Variants in EGLN1 observed in about 807,000 individuals in gnomAD.
EGLN1 encodes egl-9 family hypoxia inducible factor 1.
EGLN1 carries 17 observed loss-of-function variants against 38.3 expected under a neutral mutation model. That is an observed-to-expected ratio of 0.44 (90% CI 0.30 to 0.67). The LOEUF (loss-of-function observed/expected upper bound fraction) is 0.67, where lower values mean the gene tolerates loss of function less well. EGLN1 is among the 30% of genes least tolerant of loss of function. EGLN1 has a pLI of 0.08. For synonymous variants in EGLN1, 283 were observed against 257.5 expected (o/e 1.10, Z -0.95); for missense variants, 477 against 603.3 (o/e 0.79, Z 2.19).
At chr1:231,388,117 G>A (rs972904351) in intron 1 of EGLN1, among the ~76,000 whole-genome samples, 4 of 152,146 alleles carry the variant, frequency 2.6e-5, no homozygotes, top group Non-Finnish European at 5.9e-5. Flanking sequence ...GAGGGTGTTA[G>A]AACCCAGTGA....
intron 1 of EGLN1, among the ~76,000 whole-genome samples, chr1:231,374,999 T>A (rs1003108690): frequency 3.8e-4 from 55 of 145,754 alleles, no homozygotes; most frequent in South Asian, 1.6e-3. Flanking sequence ...TGGTATTTTT[T>A]AAAAAATTCT....
rs1687579886 is a variant in EGLN1, at chr1:231,364,288, A to G, written c.*2123T>C. 6.7e-6 allele frequency: 1 copy of G among 148,762 alleles called. No homozygotes were observed. The highest frequency in any genetic ancestry group is 6.6e-5 in the Admixed American group (1 of 15,118). 9.2% of individuals were successfully genotyped at this position (148,762 alleles called of 1,614,324 possible). The stretch of plus-strand genomic sequence containing the variant: ...GCTGTGGCTGTACATTTTGACAATC[A>G]AACAAACCTCCCATCAACATAAAAC... On this transcript the variant is annotated 3_prime_UTR_variant, in exon 5 of 5. Coordinates refer to ENST00000366641, the MANE Select transcript of EGLN1 (RefSeq NM_022051.3).
chr1:231,368,727 T>C (rs531981664), intron 3 of EGLN1, among the ~76,000 whole-genome samples: 1 of 152,158 alleles, frequency 6.6e-6, no homozygotes, highest in Non-Finnish European at 1.5e-5. Context: ...CAGCCAGTAA[T>C]ATGACAGAAT....
intron 1 of EGLN1, among the ~76,000 whole-genome samples, chr1:231,418,054 G>A (rs1456829124): frequency 2.0e-5 from 3 of 151,958 alleles, no homozygotes; most frequent in African/African-American, 7.3e-5. Flanking sequence ...GTTGAAATGA[G>A]AAAAATACTA....
chr1:231,392,744 C>T (rs1688424326), intron 1 of EGLN1, among the ~76,000 whole-genome samples: 1 of 152,226 alleles, frequency 6.6e-6, no homozygotes, highest in South Asian at 2.1e-4. Flanking sequence ...TTATTTTCAT[C>T]ATTACTGACA....
chr1:231,414,675 G>A (rs1232374170), intron 1 of EGLN1, among the ~76,000 whole-genome samples: 3 of 151,142 alleles, frequency 2.0e-5, no homozygotes, highest in Admixed American at 1.3e-4. Flanking sequence ...GAATGTTCAA[G>A]CATATTCTCA....
At chr1:231,400,149 A>C (rs1688628213) in intron 1 of EGLN1, among the ~76,000 whole-genome samples, 1 of 152,064 alleles carries the variant, frequency 6.6e-6, no homozygotes. Context: ...AGACTTAATA[A>C]ATGTCCTTTG....
At chr1:231,401,150 G>A (rs866465352) in intron 1 of EGLN1, among the ~76,000 whole-genome samples, 1 of 152,238 alleles carries the variant, frequency 6.6e-6, no homozygotes, top group African/African-American at 2.4e-5. Flanking sequence ...AAGATGCATA[G>A]AAACTTAACT....
chr1:231,383,545 A>C (rs1174569234), intron 1 of EGLN1, among the ~76,000 whole-genome samples: 1 of 152,250 alleles, frequency 6.6e-6, no homozygotes, highest in Non-Finnish European at 1.5e-5. Flanking sequence ...AGTTTTCCAG[A>C]GTAGAAGATT....
Position 231,370,288 on chromosome 1 carries a change from A to G in EGLN1, c.1148+274T>C, listed in dbSNP as rs146180339. ...GTTAAGAGATGCACAAAGCACGGAG[A>G]GAGTGCTAGAAAGATGGGAAGGCCT... On this transcript the variant is annotated intron_variant, in intron 3 of 4. Coordinates refer to ENST00000366641, the MANE Select transcript of EGLN1 (RefSeq NM_022051.3). Among the ~76,000 whole-genome samples the G allele has an allele frequency of 8.5e-5, 13 of 152,352 alleles. No homozygotes were observed. In the East Asian group the frequency reaches 1.9e-3, roughly 23 times the overall value.
At position 231,403,256 on chromosome 1, in the gene EGLN1, T is replaced by C. The variant is rs533323484; in HGVS notation, c.891+17742A>G. 3.9e-5 allele frequency among the ~76,000 whole-genome samples: 6 copies of C among 152,276 alleles called. No homozygotes were observed. The East Asian group carries it at 7.8e-4, about 20-fold the overall frequency. ...TTCTACAGATGTCAATCAGGTCAAA[T>C]TGGTTGATAGTGTTAGAATCTTTTA... On this transcript the variant is annotated intron_variant, in intron 1 of 4. Coordinates refer to ENST00000366641, the MANE Select transcript of EGLN1 (RefSeq NM_022051.3).
intron 1 of EGLN1, among the ~76,000 whole-genome samples, chr1:231,406,165 C>CAA (rs5781651): frequency 7.2e-6 from 1 of 139,088 alleles, no homozygotes; most frequent in Admixed American, 7.2e-5. Context: ...GACTCCGTCT[C>CAA]AAAAAAAAAA....
rs747131134 is a variant in EGLN1 at position 231,366,058 on chromosome 1, G to C, written c.*353C>G. On this transcript the variant is annotated 3_prime_UTR_variant, in exon 5 of 5. Transcript: ENST00000366641. ...GAAAAATTATCCCAAATTCAAACTT[G>C]ATATAAAAAAGGGAGAGATGAAATG... 2 of 259,478 alleles carry C rather than the reference G, an allele frequency of 7.7e-6. No homozygotes were observed. The highest frequency in any genetic ancestry group is 4.9e-5 in the Admixed American group (1 of 20,498). 16.1% of individuals were successfully genotyped at this position (259,478 alleles called of 1,614,324 possible).
intron 1 of EGLN1, among the ~76,000 whole-genome samples, chr1:231,383,794 TATG>T (rs1206240269): frequency 6.6e-6 from 1 of 151,878 alleles, no homozygotes; most frequent in Non-Finnish European, 1.5e-5. Flanking sequence ...CTTCCTAAAT[TATG>T]ATGATTCTTA....
At chr1:231,390,844 C>T (rs1024192755) in intron 1 of EGLN1, among the ~76,000 whole-genome samples, 1 of 130,830 alleles carries the variant, frequency 7.6e-6, no homozygotes, top group Non-Finnish European at 1.7e-5. Context: ...ATTATCTTTA[C>T]TATTATTAAT....
intron 2 of EGLN1, among the ~76,000 whole-genome samples, chr1:231,372,818 T>C (rs1687861077): frequency 6.6e-6 from 1 of 152,168 alleles, no homozygotes; most frequent in South Asian, 2.1e-4. Context: ...TAGGGCAGGA[T>C]TAGGTTTTTG....
chr1:231,392,049 A>C (rs1228650269), intron 1 of EGLN1, among the ~76,000 whole-genome samples: 2 of 152,194 alleles, frequency 1.3e-5, no homozygotes, highest in Non-Finnish European at 2.9e-5. Flanking sequence ...GCGCTTTGGG[A>C]GGCCTAGGCG....
At chr1:231,378,465 T>A (rs1049618031) in intron 1 of EGLN1, among the ~76,000 whole-genome samples, 1 of 152,192 alleles carries the variant, frequency 6.6e-6, no homozygotes, top group Non-Finnish European at 1.5e-5. Context: ...AAGGATGTTC[T>A]TTTTTACGTT....
intron 1 of EGLN1, among the ~76,000 whole-genome samples, chr1:231,399,366 G>T (rs2749710): frequency 0.52 from 79,470 of 152,064 alleles, 22,795 homozygotes; most frequent in Non-Finnish European, 0.64. Flanking sequence ...CAGCTAATAT[G>T]TGGCAGGGGT....
Sources: allele counts gnomAD v4.1 joint callset (sites outside exome capture counted in the v4.1 genomes callset), GRCh38; gene constraint gnomAD v4.1.1; transcripts MANE v1.5; gene names NCBI Gene and HGNC (gene_info 2026-07-23, HGNC 2026-07-21).